Variants in NCOR1 observed in about 807,000 individuals in gnomAD.
NCOR1 encodes the protein protein phosphatase 1, regulatory subunit 109.
A neutral mutation model predicts 288.1 loss-of-function variants in NCOR1; 63 were observed. The ratio of observed to expected loss-of-function variants is 0.22; its 90% CI spans 0.18 to 0.27. NCOR1 has a LOEUF of 0.27. Ranked by LOEUF, NCOR1 falls within the 10% of genes least tolerant of loss-of-function variation. The pLI is 1.00. For missense variants in NCOR1, 2,397 were observed against 3,019.2 expected, an observed-to-expected ratio of 0.79 and a Z score of 4.83; for synonymous variants, 1,007 against 1,065.9, an observed-to-expected ratio of 0.94 and a Z score of 1.08.
chr17:16,092,695 A>ATTTTTTTTTTTTT (rs1184440315), intron 21 of NCOR1, among the ~76,000 whole-genome samples: 1 of 22,602 alleles, frequency 4.4e-5, no homozygotes, highest in African/African-American at 2.1e-4. Context: ...ATATATATAT[A>ATTTTTTTTTTTTT]TTTTTTTTTT....
intron 19 of NCOR1, among the ~76,000 whole-genome samples, chr17:16,103,455 A>T (rs141112639): frequency 6.6e-6 from 1 of 152,224 alleles, no homozygotes; most frequent in African/African-American, 2.4e-5. Flanking sequence ...TCTCACTCTC[A>T]TAACTTTTCA....
intron 3 of NCOR1, among the ~76,000 whole-genome samples, chr17:16,181,980 T>G (rs1210858438): frequency 6.6e-6 from 1 of 152,132 alleles, no homozygotes; most frequent in East Asian, 1.9e-4. Flanking sequence ...ATTCTTTACT[T>G]TTGTATCAAA....
intron 18 of NCOR1, among the ~76,000 whole-genome samples, chr17:16,112,103 T>TA (rs974389300): frequency 6.6e-6 from 1 of 152,126 alleles, no homozygotes; most frequent in African/African-American, 2.4e-5. Context: ...TCTCCTGACC[T>TA]AATGATCCAC....
rs1297873698 is a variant in NCOR1 at position 16,064,120 on chromosome 17, C to T, written c.5169G>A (p.Glu1723=). Residue 1723 remains glutamate, a synonymous_variant, in exon 35 of 46, where the codon GAG becomes GAA. Transcript: ENST00000268712. ...EREREREREK[E]RERERIAAAS... ...CTGCAGCAATCCGTTCCCGCTCCCGCTCCTTCTCCCGCTCCCGTTCCCGTT... is the reference window on the plus strand; with the variant it reads ...CTGCAGCAATCCGTTCCCGCTCCCGTTCCTTCTCCCGCTCCCGTTCCCGTT... 6.2e-7 allele frequency: 1 copy of T among 1,614,134 alleles called. No homozygotes were observed. Among genetic ancestry groups the T allele is most frequent in the East Asian group, 2.2e-5 (1 of 44,878 alleles).
At position 16,098,392 on chromosome 17, in the gene NCOR1, T is replaced by C. The variant is rs773927449; in HGVS notation, c.2795A>G (p.His932Arg). ...PNPLDLPQLQ[H>R]RAAVIPPMVS... ...CATTGGTGGGATAACAGCAGCTCGA[T>C]GCTGAAGCTGTGGCAGATCCAGTGG... The change falls in exon 21 of 46, where the codon CAT becomes CGT. Residue 932 changes from histidine (H) to arginine (R), a missense_variant. Physicochemically the swap from His to Arg is conservative, Grantham distance 29. Transcript: ENST00000268712. 2 of 1,613,996 alleles carry C rather than the reference T, an allele frequency of 1.2e-6. No homozygotes were observed. The highest frequency in any genetic ancestry group is 2.2e-5 in the East Asian group (1 of 44,888).
At chr17:16,057,779 A>G (rs2060100755) in intron 39 of NCOR1, 42 bp from the exon 40 acceptor site, 10 of 1,560,256 alleles carry the variant, frequency 6.4e-6, no homozygotes, top group Admixed American at 1.8e-5. Context: ...TTCATTGAGT[A>G]CTTGCAAAAA....
chr17:16,114,903 G>A (rs1365212964), intron 18 of NCOR1, among the ~76,000 whole-genome samples: 1 of 152,118 alleles, frequency 6.6e-6, no homozygotes, highest in Non-Finnish European at 1.5e-5. Context: ...TCTTCTTACA[G>A]CTCCATTAGG....
intron 19 of NCOR1, among the ~76,000 whole-genome samples, chr17:16,107,697 A>G (rs968634916): frequency 6.6e-6 from 1 of 152,014 alleles, no homozygotes; most frequent in African/African-American, 2.4e-5. Context: ...GACTCTGACA[A>G]CCTCTCTAGA....
chr17:16,158,878 G>C lies in NCOR1; in HGVS notation c.619-5C>G, dbSNP rs771636022. 6.2e-7 allele frequency: 1 copy of C among 1,608,418 alleles called. No individual in the cohort carries two copies. The highest frequency in any genetic ancestry group is 8.5e-7 in the Non-Finnish European group (1 of 1,175,062). On this transcript the variant is annotated splice_polypyrimidine_tract_variant and splice_region_variant and intron_variant, in intron 5 of 45. Coordinates refer to ENST00000268712, the MANE Select transcript of NCOR1 (RefSeq NM_006311.4). ...TGCCTCTTCTTCAAGCTGTTGCTAAGAGATCCAGAAAGAAAGAGTCAAGCA... is the reference window on the plus strand; with the variant it reads ...TGCCTCTTCTTCAAGCTGTTGCTAACAGATCCAGAAAGAAAGAGTCAAGCA...
At chr17:16,164,293 A>C (rs1343791507) in intron 5 of NCOR1, among the ~76,000 whole-genome samples, 1 of 151,882 alleles carries the variant, frequency 6.6e-6, no homozygotes, top group Non-Finnish European at 1.5e-5. Flanking sequence ...ACTTAGAGTG[A>C]ATACTGGGCT....
intron 6 of NCOR1, 38 bp from the exon 7 acceptor site, chr17:16,153,433 A>G: frequency 7.4e-7 from 1 of 1,349,016 alleles, no homozygotes; most frequent in Non-Finnish European, 1.0e-6. Flanking sequence ...ATAATTAAAA[A>G]TTACATTATC....
intron 1 of NCOR1, among the ~76,000 whole-genome samples, chr17:16,195,957 TAA>T (rs933444869): frequency 1.3e-5 from 2 of 151,804 alleles, no homozygotes; most frequent in African/African-American, 4.8e-5. Flanking sequence ...ATGTGTGCCA[TAA>T]TATATAATTT....
intron 42 of NCOR1, among the ~76,000 whole-genome samples, chr17:16,045,829 T>C (rs978995332): frequency 1.1e-4 from 16 of 152,044 alleles, no homozygotes; most frequent in Non-Finnish European, 5.9e-5. Flanking sequence ...TTTTTTTTTT[T>C]TTCTTGAGAC....
rs909351588 is a variant in NCOR1, at chr17:16,089,944, G to A, written c.3016+1919C>T. On this transcript the variant is annotated intron_variant, in intron 22 of 45. Transcript: ENST00000268712. ...CCCTACTTTGTAGAGCATCACCTTC[G>A]ACCAAACTGTAAAATTCTTAATGTC... 3.3e-5 allele frequency among the ~76,000 whole-genome samples: 5 copies of A among 152,094 alleles called. No homozygotes were observed. The South Asian group carries it at 6.2e-4, about 19-fold the overall frequency.
intron 3 of NCOR1, among the ~76,000 whole-genome samples, chr17:16,181,942 T>TA (rs1370562809): frequency 2.0e-5 from 3 of 151,624 alleles, no homozygotes; most frequent in African/African-American, 7.3e-5. Flanking sequence ...GTAACAAACT[T>TA]TTTTTTTTCC....
chr17:16,042,300 T>G (rs1346441397), intron 42 of NCOR1, among the ~76,000 whole-genome samples: 2 of 27,790 alleles, frequency 7.2e-5, no homozygotes, highest in Non-Finnish European at 1.5e-4. Context: ...GGAACAGGAG[T>G]CATTCATTTG....
chr17:16,044,306 TCAGAAA>T, intron 42 of NCOR1: 1 of 447,792 alleles, frequency 2.2e-6, no homozygotes, highest in South Asian at 1.7e-5. Context: ...GAGGACAAGT[TCAGAAA>T]CAGTGGTGAC....
intron 43 of NCOR1, 75 bp from the exon 44 acceptor site, chr17:16,039,729 G>A (rs1260122980): frequency 7.6e-7 from 1 of 1,307,930 alleles, no homozygotes; most frequent in Non-Finnish European, 1.1e-6. Context: ...TGCCCCATCA[G>A]CCCACTGAAT....
chr17:16,086,925 A>G (rs1335365268), intron 22 of NCOR1, among the ~76,000 whole-genome samples: 1 of 152,210 alleles, frequency 6.6e-6, no homozygotes, highest in Non-Finnish European at 1.5e-5. Flanking sequence ...AGACTTTTAC[A>G]AATTCATGTA....
Sources: allele counts gnomAD v4.1 joint callset (sites outside exome capture counted in the v4.1 genomes callset), GRCh38; gene constraint gnomAD v4.1.1; transcripts MANE v1.5; gene names NCBI Gene and HGNC (gene_info 2026-07-23, HGNC 2026-07-21).